Variants in GOT2 observed in about 807,000 individuals in gnomAD.
GOT2 encodes the protein aspartate aminotransferase, mitochondrial.
In GOT2, 17 loss-of-function variants were observed where a neutral mutation model predicts 50.0. The observed-to-expected ratio is 0.34, with a 90% CI of 0.23 to 0.51. GOT2 has a LOEUF of 0.51. Among genes scored for constraint, GOT2 ranks in the 20% least tolerant of loss-of-function variants. The probability of loss-of-function intolerance (pLI) is 0.97; values close to 1 mark genes in which losing one functional copy is unlikely to be tolerated. For missense variants in GOT2, 430 were observed against 559.6 expected (o/e 0.77, Z 2.34); for synonymous variants, 172 against 204.9 (o/e 0.84, Z 1.37).
chr16:58,712,035 G>A lies in GOT2; in HGVS notation c.1020-2468C>T, dbSNP rs548574108. Reference sequence around the variant, plus strand: ...TGCATAATGCACGTCCCACGCCTATGCCCTCACTCAGATCTCTCCCCAGTT... The same window carrying A: ...TGCATAATGCACGTCCCACGCCTATACCCTCACTCAGATCTCTCCCCAGTT... On this transcript the variant is annotated intron_variant, in intron 8 of 9. Coordinates refer to ENST00000245206, the MANE Select transcript of GOT2 (RefSeq NM_002080.4). Among the ~76,000 whole-genome samples, 3 of 151,862 alleles carry A rather than the reference G, an allele frequency of 2.0e-5. No individual in the cohort carries two copies. In the East Asian group the frequency reaches 5.8e-4, roughly 29 times the overall value.
chr16:58,722,179 C>T lies in GOT2; in HGVS notation c.346G>A (p.Glu116Lys). The T allele has an allele frequency of 1.9e-6, 3 of 1,612,318 alleles. No homozygotes were observed. Among genetic ancestry groups the T allele is most frequent in the Non-Finnish European group, 2.5e-6 (3 of 1,179,986 alleles). ...CKASAELALGENSEVLKSGRF... is the reference protein window; with the variant it reads ...CKASAELALGKNSEVLKSGRF... ...CCACTCTTCAAGACTTCGCTGTTCT[C>T]ACCCAGGGCTAGTTCTGCAGATGCC... is the stretch of plus-strand genomic sequence containing the variant. The change falls in exon 3 of 10, where the codon GAG becomes AAG. Residue 116 changes from glutamate (E) to lysine (K), a missense_variant. Physicochemically the swap from Glu to Lys is moderately conservative, Grantham distance 56. Coordinates refer to ENST00000245206, the MANE Select transcript of GOT2 (RefSeq NM_002080.4).
chr16:58,726,374 CG>C (rs1567490359), intron 1 of GOT2, among the ~76,000 whole-genome samples: 1 of 152,028 alleles, frequency 6.6e-6, no homozygotes, highest in African/African-American at 2.4e-5. Context: ...TTAGTAGAGA[CG>C]GGGTTTCGCC....
intron 3 of GOT2, among the ~76,000 whole-genome samples, chr16:58,719,901 A>G (rs1007202695): frequency 6.6e-5 from 10 of 152,102 alleles, no homozygotes; most frequent in African/African-American, 2.4e-4. Flanking sequence ...ATAACATTAC[A>G]ACATTTTAAA....
chr16:58,710,837 G>A (rs572339221), intron 8 of GOT2, among the ~76,000 whole-genome samples: 3 of 151,368 alleles, frequency 2.0e-5, no homozygotes, highest in African/African-American at 7.3e-5. Context: ...GCGTGGCAGC[G>A]GGTGCCTGTA....
At position 58,720,539 on chromosome 16, in the gene GOT2, T is replaced by C. The variant is rs376403543; in HGVS notation, c.376-1284A>G. On this transcript the variant is annotated intron_variant, in intron 3 of 9. Transcript: ENST00000245206. ...GGCATGATGGAAATAAAAACCTCAC[T>C]GTAGGTCCGATGATACTACGATTCA... Among the ~76,000 whole-genome samples, 40 of 152,096 alleles carry C rather than the reference T, an allele frequency of 2.6e-4. 2 individuals carry two copies. The South Asian group carries it at 7.7e-3, about 29-fold the overall frequency.
At chr16:58,720,107 C>T (rs926141604) in intron 3 of GOT2, among the ~76,000 whole-genome samples, 1 of 152,160 alleles carries the variant, frequency 6.6e-6, no homozygotes, top group African/African-American at 2.4e-5. Flanking sequence ...AAGGCTGAGG[C>T]GGGAGAATTG....
chr16:58,732,055 G>A (rs961522708), intron 1 of GOT2, among the ~76,000 whole-genome samples: 3 of 152,234 alleles, frequency 2.0e-5, no homozygotes, highest in Admixed American at 2.0e-4. Context: ...TTTCTGGTCA[G>A]GTGGGGTTGC....
chr16:58,725,568 T>C (rs1320910012), intron 1 of GOT2, among the ~76,000 whole-genome samples: 1 of 152,252 alleles, frequency 6.6e-6, no homozygotes, highest in Admixed American at 6.5e-5. Context: ...AAAATTTATA[T>C]ACCTTTGTTT....
Position 58,709,555 on chromosome 16 carries a change from C to G in GOT2, c.1032G>C (p.Val344=). 6.2e-7 allele frequency: 1 copy of G among 1,609,576 alleles called. No homozygotes were observed. ...CAATGATGCGGTCAGCCATGACTTT[C>G]ACTTCTTGCAGCCTGTAAAGAAACC... ...PDLRKQWLQE[V]KVMADRIIGM... is the part of the protein sequence containing the mutation. Residue 344 remains valine (V), a synonymous_variant, in exon 9 of 10, where the codon GTG becomes GTC. Transcript: ENST00000245206.
chr16:58,717,985 C>A (rs2044708227), intron 6 of GOT2, among the ~76,000 whole-genome samples: 1 of 152,170 alleles, frequency 6.6e-6, no homozygotes, highest in Non-Finnish European at 1.5e-5. Flanking sequence ...CCGCGCCCAG[C>A]CAAAAAAAAT....
At chr16:58,712,079 C>G (rs1299655784) in intron 8 of GOT2, among the ~76,000 whole-genome samples, 1 of 151,836 alleles carries the variant, frequency 6.6e-6, no homozygotes, top group Non-Finnish European at 1.5e-5. Flanking sequence ...CGTTTCATTT[C>G]CTTTGCAAAA....
In GOT2 at chr16:58,718,250, G is replaced by T; in HGVS notation, c.648C>A (p.Pro216=). Residue 216 remains proline, a synonymous_variant, in exon 6 of 10, where the codon CCC becomes CCA. Coordinates refer to ENST00000245206, the MANE Select transcript of GOT2 (RefSeq NM_002080.4). Reference sequence around the variant, plus strand: ...GTTCCGGACGCGGGTCCACTCCCGTGGGATTGTGGGCGCAGGCATGCAGAA... The same window carrying T: ...GTTCCGGACGCGGGTCCACTCCCGTTGGATTGTGGGCGCAGGCATGCAGAA... ...VLLLHACAHN[P]TGVDPRPEQW... 6.2e-7 allele frequency: 1 copy of T among 1,614,108 alleles called. No individual in the cohort carries two copies. Among genetic ancestry groups the T allele is most frequent in the Non-Finnish European group, 8.5e-7 (1 of 1,179,962 alleles).
Position 58,707,881 on chromosome 16 carries a change from G to A in GOT2, c.*290C>T, listed in dbSNP as rs2044616291. On this transcript the variant is annotated 3_prime_UTR_variant, in exon 10 of 10. Coordinates refer to ENST00000245206, the MANE Select transcript of GOT2 (RefSeq NM_002080.4). ...AATATTGCAATGGCATAATTGACAG[G>A]TTTTTTGGTGCGATGACTTTCTTGC... The A allele has an allele frequency of 4.3e-6, 1 of 233,666 alleles. No homozygotes were observed. Among genetic ancestry groups the A allele is most frequent in the Non-Finnish European group, 8.3e-6 (1 of 120,260 alleles). 14.5% of individuals were successfully genotyped at this position (233,666 alleles called of 1,614,324 possible). A position where few individuals can be genotyped will look rare whatever the true frequency, so the allele number is the denominator to read the frequency against.
Position 58,718,621 on chromosome 16 carries a change from A to G in GOT2, c.503T>C (p.Ile168Thr). 6.2e-7 allele frequency: 1 copy of G among 1,611,210 alleles called. No homozygotes were observed. The highest frequency in any genetic ancestry group is 8.5e-7 in the Non-Finnish European group (1 of 1,178,390). ...PKPTWGNHTP[I>T]FRDAGMQLQG... is the part of the protein sequence containing the mutation. ...TAGCTGCATGCCAGCATCCCTGAAGATGGGTGTGTGGTTTCCCCAGGTTGG... is the reference window on the plus strand; with the variant it reads ...TAGCTGCATGCCAGCATCCCTGAAGGTGGGTGTGTGGTTTCCCCAGGTTGG... Residue 168 changes from isoleucine (I) to threonine (T), a missense_variant, in exon 5 of 10, where the codon ATC (isoleucine) becomes ACC (threonine). By Grantham distance (89) the Ile-to-Thr change is moderately conservative (BLOSUM62 -1). Transcript: ENST00000245206.
chr16:58,713,176 G>A (rs1775641315), intron 8 of GOT2, among the ~76,000 whole-genome samples: 1 of 151,830 alleles, frequency 6.6e-6, no homozygotes, highest in African/African-American at 2.4e-5. Flanking sequence ...ACAAACAATG[G>A]GTAAGGGAAA....
At chr16:58,712,522 G>GAACAACAACAAGAAC (rs2044657210) in intron 8 of GOT2, among the ~76,000 whole-genome samples, 1 of 150,654 alleles carries the variant, frequency 6.6e-6, no homozygotes, top group Non-Finnish European at 1.5e-5. Flanking sequence ...ACAACAACAA[G>GAACAACAACAAGAAC]AACAACAACA....
intron 1 of GOT2, among the ~76,000 whole-genome samples, chr16:58,731,370 C>G (rs1349515914): frequency 6.6e-6 from 1 of 151,930 alleles, no homozygotes; most frequent in African/African-American, 2.4e-5. Context: ...TCTAGAACTC[C>G]CGAGCTCAAG....
At chr16:58,733,891 C>T in intron 1 of GOT2, 1 of 392,256 alleles carries the variant, frequency 2.5e-6, no homozygotes, top group Non-Finnish European at 4.5e-6. Context: ...GATTGCGTTG[C>T]ACGCCTTCCT....
chr16:58,716,581 CA>C (rs2044695386), intron 7 of GOT2, 81 bp downstream of exon 7: 34 of 1,199,342 alleles, frequency 2.8e-5, no homozygotes, highest in Admixed American at 1.5e-4. Flanking sequence ...CACACACACA[CA>C]CACACACCCA....
Sources: allele counts gnomAD v4.1 joint callset (sites outside exome capture counted in the v4.1 genomes callset), GRCh38; gene constraint gnomAD v4.1.1; transcripts MANE v1.5; gene names NCBI Gene and HGNC (gene_info 2026-07-23, HGNC 2026-07-21).